The following EDC3 variants were observed in gnomAD, a reference collection of about 807,000 sequenced individuals.
EDC3 encodes enhancer of mRNA-decapping protein 3.
EDC3 carries 20 observed loss-of-function variants against 41.8 expected under a neutral mutation model. The ratio of observed to expected loss-of-function variants is 0.48; its 90% CI spans 0.34 to 0.70. The LOEUF (loss-of-function observed/expected upper bound fraction) is 0.70, where lower values mean the gene tolerates loss of function less well. Among genes scored for constraint, EDC3 ranks in the 30% least tolerant of loss-of-function variants. The pLI is 0.01. For synonymous variants in EDC3, 206 were observed against 243.2 expected, an observed-to-expected ratio of 0.85 and a Z score of 1.42; for missense variants, 444 against 636.8, an observed-to-expected ratio of 0.70 and a Z score of 3.26.
chr15:74,664,037 CATTT>C (rs1351955505), intron 3 of EDC3, among the ~76,000 whole-genome samples: 3 of 152,188 alleles, frequency 2.0e-5, no homozygotes, highest in African/African-American at 7.2e-5. Context: ...TTGATTCATT[CATTT>C]GAGACATAGA....
intron 3 of EDC3, among the ~76,000 whole-genome samples, chr15:74,665,015 G>T (rs2062661416): frequency 6.6e-6 from 1 of 152,164 alleles, no homozygotes; most frequent in African/African-American, 2.4e-5. Flanking sequence ...ATGAGTTAAA[G>T]GCCAGCTATC....
At chr15:74,695,659 T>A (rs2063056720) in intron 1 of EDC3, 1 of 152,536 alleles carries the variant, frequency 6.6e-6, no homozygotes, top group East Asian at 1.9e-4. Flanking sequence ...ACAATCCCCA[T>A]ACTATTTAGA....
rs1436446154 is a variant in EDC3, at chr15:74,632,283, C to G, written c.*329G>C. On this transcript the variant is annotated 3_prime_UTR_variant, in exon 7 of 7. Transcript: ENST00000315127. The surrounding 1 kb of genome is among the most constrained non-coding windows in gnomAD (Gnocchi z 4.0). ...TGGCCCACTCTTCAATGTGTGTGCC[C>G]AGGCCCAGTGGCTGTAAACCTGAAA... The G allele has an allele frequency of 2.8e-6, 1 of 361,536 alleles. No individual in the cohort carries two copies. Among genetic ancestry groups the G allele is most frequent in the African/African-American group, 2.1e-5 (1 of 48,672 alleles). 22.4% of individuals were successfully genotyped at this position (361,536 alleles called of 1,614,324 possible).
chr15:74,635,856 G>A (rs1375196464), intron 5 of EDC3: 4 of 564,524 alleles, frequency 7.1e-6, no homozygotes, highest in East Asian at 5.9e-5. Flanking sequence ...CCACTAAGTG[G>A]TTCACCCAGA....
chr15:74,678,109 G>A (rs2062826854), intron 1 of EDC3, among the ~76,000 whole-genome samples: 1 of 151,826 alleles, frequency 6.6e-6, no homozygotes, highest in Non-Finnish European at 1.5e-5. Context: ...GGGGGTGGGA[G>A]GTGAACAAGA....
chr15:74,656,547 A>G (rs1320279752), intron 3 of EDC3, among the ~76,000 whole-genome samples: 4 of 152,222 alleles, frequency 2.6e-5, no homozygotes, highest in East Asian at 3.8e-4. Flanking sequence ...TGGTAATGAC[A>G]AAAGTTTTTC....
At chr15:74,640,073 G>A in intron 5 of EDC3, 1 of 186,950 alleles carries the variant, frequency 5.3e-6, no homozygotes, top group Admixed American at 5.9e-5. Flanking sequence ...CCCCTACTCA[G>A]TTGTCAGTGT....
chr15:74,668,744 A>AAGAAAGAG (rs1314856948), intron 3 of EDC3, among the ~76,000 whole-genome samples: 1 of 151,796 alleles, frequency 6.6e-6, no homozygotes, highest in African/African-American at 2.4e-5. Context: ...GAAAGAAAGA[A>AAGAAAGAG]AGAAAGAAAG....
At chr15:74,653,456 TAGA>T (rs1360553328) in intron 4 of EDC3, among the ~76,000 whole-genome samples, 2 of 152,310 alleles carry the variant, frequency 1.3e-5, no homozygotes, top group African/African-American at 2.4e-5. Context: ...AACCCCCCTG[TAGA>T]AGAAGTTGCT....
chr15:74,678,300 G>A (rs2062829193), intron 1 of EDC3, among the ~76,000 whole-genome samples: 1 of 152,170 alleles, frequency 6.6e-6, no homozygotes, highest in Non-Finnish European at 1.5e-5. Context: ...GGTGTGGAAT[G>A]TTGACAGCAG....
intron 3 of EDC3, among the ~76,000 whole-genome samples, chr15:74,662,418 A>AAT (rs1169728314): frequency 8.5e-4 from 127 of 149,448 alleles, no homozygotes; most frequent in Admixed American, 1.9e-3. Context: ...TAAAAACAGC[A>AAT]ATATATATAT....
intron 4 of EDC3, chr15:74,641,366 C>T (rs1417235053): frequency 6.6e-6 from 1 of 152,444 alleles, no homozygotes; most frequent in Non-Finnish European, 1.5e-5. Flanking sequence ...TGAAAGTACA[C>T]TGTGGAAAAT....
intron 2 of EDC3, chr15:74,674,746 G>C (rs746622704): frequency 1.1e-4 from 65 of 569,672 alleles, no homozygotes; most frequent in Non-Finnish European, 1.8e-4. Context: ...CGGGCATGGT[G>C]GTTCACACCT....
At chr15:74,651,680 T>C (rs1040972878) in intron 4 of EDC3, among the ~76,000 whole-genome samples, 15 of 152,198 alleles carry the variant, frequency 9.9e-5, no homozygotes, top group African/African-American at 3.4e-4. Context: ...TTCTAGGACA[T>C]GAATGCCACA....
intron 1 of EDC3, among the ~76,000 whole-genome samples, chr15:74,683,255 C>T (rs1266205996): frequency 6.6e-6 from 1 of 152,100 alleles, no homozygotes; most frequent in Non-Finnish European, 1.5e-5. Context: ...GAGAACAGGG[C>T]CGGGCACAGT....
rs571242672 is a variant in EDC3, at chr15:74,655,592, GAC to G, written c.820+139_820+140del. ...CTGTTATTGGCTGCAATCCCCAAGA[GAC>G]AATAATACCGGGCCAGCCACCAAGC... On this transcript the variant is annotated intron_variant, in intron 4 of 6. Coordinates refer to ENST00000315127, the MANE Select transcript of EDC3 (RefSeq NM_025083.5). 1,791 of 799,816 alleles carry G rather than the reference GAC, an allele frequency of 2.2e-3. 4 individuals are homozygous for G. The highest frequency in any genetic ancestry group is 2.9e-3 in the Non-Finnish European group (1,496 of 519,646). The allele number at this position is 799,816 out of a possible 1,614,324, so 49.5% of individuals were successfully genotyped here.
chr15:74,666,248 T>TG (rs1295994947), intron 3 of EDC3, among the ~76,000 whole-genome samples: 1 of 152,246 alleles, frequency 6.6e-6, no homozygotes, highest in African/African-American at 2.4e-5. Flanking sequence ...AAACCTATTC[T>TG]GAGCCACGTC....
chr15:74,689,296 T>C (rs1198775305), intron 1 of EDC3, among the ~76,000 whole-genome samples: 1 of 152,212 alleles, frequency 6.6e-6, no homozygotes, highest in Non-Finnish European at 1.5e-5. Context: ...AACTTGGTAC[T>C]ATTGTTCTCT....
rs1325305129 is a variant in EDC3, at chr15:74,635,517, C to A, written c.1084G>T (p.Val362Phe). The change falls in exon 6 of 7, where the codon GTC (valine) becomes TTC (phenylalanine). Residue 362 changes from valine to phenylalanine, a missense_variant. By Grantham distance (50) the Val-to-Phe change is conservative (BLOSUM62 -1). This residue lies in a region of EDC3 where 242 missense variants were observed against 363.8 expected (regional missense o/e 0.67). Coordinates refer to ENST00000315127, the MANE Select transcript of EDC3 (RefSeq NM_025083.5). ...SCGRHLANHDVQVILFLPNFV... is the reference protein window; with the variant it reads ...SCGRHLANHDFQVILFLPNFV... ...TTGGGCAGGAAAAGGATGACCTGGA[C>A]ATCATGGTTGGCTAGGTGCCTTCCA... is the stretch of plus-strand genomic sequence containing the variant. 6.2e-7 allele frequency: 1 copy of A among 1,614,148 alleles called. No individual in the cohort carries two copies. Among genetic ancestry groups the A allele is most frequent in the African/African-American group, 1.3e-5 (1 of 74,948 alleles).
Sources: allele counts gnomAD v4.1 joint callset (sites outside exome capture counted in the v4.1 genomes callset), GRCh38; gene constraint gnomAD v4.1.1; regional missense constraint gnomAD v4.1.1; non-coding constraint Gnocchi (gnomAD v3.1); transcripts MANE v1.5; gene names NCBI Gene and HGNC (gene_info 2026-07-23, HGNC 2026-07-21).